The following LRP1B variants were observed in gnomAD, a reference collection of about 807,000 sequenced individuals.
LRP1B encodes the protein LDL receptor related protein 1B.
Under a neutral mutation model 556.6 loss-of-function variants are expected in LRP1B, and 217 were observed. The ratio of observed to expected loss-of-function variants is 0.39; its 90% CI spans 0.35 to 0.44. The LOEUF is 0.44. LRP1B is among the 20% of genes least tolerant of loss of function. The pLI is 1.00. For synonymous variants in LRP1B, 2,047 were observed against 1,865.8 expected, an observed-to-expected ratio of 1.10 and a Z score of -2.50; for missense variants, 5,053 against 5,620.8, an observed-to-expected ratio of 0.90 and a Z score of 3.23.
intron 41 of LRP1B, among the ~76,000 whole-genome samples, chr2:140,686,218 T>C (rs992667685): frequency 8.5e-5 from 13 of 152,186 alleles, no homozygotes; most frequent in African/African-American, 3.1e-4. Flanking sequence ...ATTAACTAGT[T>C]GGACATCACA....
chr2:141,923,446 A>ATGTG lies in LRP1B; in HGVS notation c.83-113049_83-113046dup, dbSNP rs56356725. Among the ~76,000 whole-genome samples, 646 of 81,604 alleles carry ATGTG rather than the reference A, an allele frequency of 7.9e-3. 5 individuals carry two copies. Among genetic ancestry groups the ATGTG allele is most frequent in the African/African-American group, 0.022 (459 of 21,048 alleles). 53.5% of individuals were successfully genotyped at this position (81,604 alleles called of 152,430 possible). A position where few individuals can be genotyped will look rare whatever the true frequency, so the allele number is the denominator to read the frequency against. ...ATAGTGACAAAGAGATTATATATAT[A>ATGTG]TGTGTGTGTGTGTGTGTGTGTGTGT... On this transcript the variant is annotated intron_variant, in intron 1 of 90. Coordinates refer to ENST00000389484, the MANE Select transcript of LRP1B (RefSeq NM_018557.3).
chr2:141,052,535 C>T (rs1000154628), intron 10 of LRP1B, among the ~76,000 whole-genome samples: 4 of 151,986 alleles, frequency 2.6e-5, no homozygotes, highest in South Asian at 2.1e-4. Flanking sequence ...ATTACAAATA[C>T]ATTTAATTTC....
At chr2:141,924,386 A>T (rs867789215) in intron 1 of LRP1B, among the ~76,000 whole-genome samples, 9 of 152,148 alleles carry the variant, frequency 5.9e-5, no homozygotes, top group Middle Eastern at 3.4e-3. Context: ...CACCTCCACC[A>T]TTCCATAAAA....
chr2:140,982,459 G>GT (rs966891891), intron 17 of LRP1B, among the ~76,000 whole-genome samples, 183 bp from the exon 18 acceptor site: 2 of 152,072 alleles, frequency 1.3e-5, no homozygotes, highest in Non-Finnish European at 2.9e-5. Context: ...CTTCTCTAAA[G>GT]TTCACATGCT....
At chr2:141,854,850 T>C (rs933646249) in intron 1 of LRP1B, among the ~76,000 whole-genome samples, 1 of 152,102 alleles carries the variant, frequency 6.6e-6, no homozygotes, top group Non-Finnish European at 1.5e-5. Context: ...TTTTCTTTAT[T>C]CTGATATGTA....
intron 7 of LRP1B, among the ~76,000 whole-genome samples, chr2:141,158,167 T>C (rs78948111): frequency 0.029 from 4,387 of 152,214 alleles, 87 homozygotes; most frequent in East Asian, 0.063. Context: ...ATATATTTTT[T>C]TCTCTTTTTA....
At chr2:141,854,456 A>G (rs1486639902) in intron 1 of LRP1B, among the ~76,000 whole-genome samples, 1 of 152,104 alleles carries the variant, frequency 6.6e-6, no homozygotes, top group Non-Finnish European at 1.5e-5. Context: ...TTTTTCTAAC[A>G]CCATACATGA....
chr2:140,873,938 G>GT (rs148679529), intron 25 of LRP1B, among the ~76,000 whole-genome samples: 4,883 of 150,354 alleles, frequency 0.032, 429 homozygotes, highest in East Asian at 0.31. Flanking sequence ...AAATAAAGAG[G>GT]TTTTTTTTTG....
intron 1 of LRP1B, among the ~76,000 whole-genome samples, chr2:142,063,992 G>A (rs974588191): frequency 6.6e-6 from 1 of 151,454 alleles, no homozygotes; most frequent in Non-Finnish European, 1.5e-5. Context: ...GGCACTCAAG[G>A]CTTTTCCATT....
At chr2:140,734,206 T>C (rs1687872047) in intron 35 of LRP1B, among the ~76,000 whole-genome samples, 1 of 152,056 alleles carries the variant, frequency 6.6e-6, no homozygotes, top group African/African-American at 2.4e-5. Flanking sequence ...GAAAACGAAA[T>C]TCAGAAAAGT....
Position 141,940,221 on chromosome 2 carries a change from T to G in LRP1B, c.83-129820A>C, listed in dbSNP as rs1294821858. ...GAGGAAGGATCACAAAGAAGACATATTTTTAAAATATCTTGAATATTTAGA... is the reference window on the plus strand; with the variant it reads ...GAGGAAGGATCACAAAGAAGACATAGTTTTAAAATATCTTGAATATTTAGA... On this transcript the variant is annotated intron_variant, in intron 1 of 90. Transcript: ENST00000389484. Among the ~76,000 whole-genome samples, 3 of 152,268 alleles carry G rather than the reference T, an allele frequency of 2.0e-5. No homozygotes were observed. The East Asian group carries it at 5.8e-4, about 29-fold the overall frequency.
At chr2:140,462,926 C>T (rs576222757) in intron 60 of LRP1B, among the ~76,000 whole-genome samples, 4 of 152,140 alleles carry the variant, frequency 2.6e-5, no homozygotes, top group Admixed American at 2.0e-4. Context: ...CTAATAATTT[C>T]CCCTGATATT....
At chr2:142,123,017 A>G (rs751458471) in intron 1 of LRP1B, among the ~76,000 whole-genome samples, 8 of 152,038 alleles carry the variant, frequency 5.3e-5, no homozygotes, top group Non-Finnish European at 1.2e-4. Context: ...AGAAGCTTCA[A>G]TAAATTCTGA....
At chr2:140,659,279 GAGT>G (rs1685007981) in intron 41 of LRP1B, among the ~76,000 whole-genome samples, 1 of 151,772 alleles carries the variant, frequency 6.6e-6, no homozygotes, top group Non-Finnish European at 1.5e-5. Context: ...GATACTTTAT[GAGT>G]AGTAGATCTA....
intron 1 of LRP1B, among the ~76,000 whole-genome samples, chr2:141,892,628 A>G (rs1192055511): frequency 2.0e-5 from 3 of 152,122 alleles, no homozygotes; most frequent in African/African-American, 7.2e-5. Flanking sequence ...ATACTCATTA[A>G]TTAATTTAAC....
At chr2:140,942,712 A>AT (rs34633985) in intron 20 of LRP1B, among the ~76,000 whole-genome samples, 1 of 151,764 alleles carries the variant, frequency 6.6e-6, no homozygotes, top group African/African-American at 2.4e-5. Flanking sequence ...GGAGAAATAA[A>AT]TTTTTTTTCC....
intron 66 of LRP1B, among the ~76,000 whole-genome samples, chr2:140,428,317 C>A (rs1268287003): frequency 6.6e-6 from 1 of 152,196 alleles, no homozygotes; most frequent in Non-Finnish European, 1.5e-5. Flanking sequence ...CACTGCGAGA[C>A]AAACCCCAGC....
At chr2:140,356,175 A>G (rs1682204474) in intron 75 of LRP1B, among the ~76,000 whole-genome samples, 167 bp downstream of exon 75, 1 of 151,598 alleles carries the variant, frequency 6.6e-6, no homozygotes, top group Non-Finnish European at 1.5e-5. Flanking sequence ...AGCTCCACAA[A>G]CAAGCTCTTG....
chr2:140,554,688 A>AGTAATTGTATCTTTTTATTTTTGTAACCC (rs1680663485), intron 43 of LRP1B, among the ~76,000 whole-genome samples: 2 of 152,106 alleles, frequency 1.3e-5, no homozygotes, highest in African/African-American at 4.8e-5. Context: ...ATTTGAAACC[A>AGTAATTGTATCTTTTTATTTTTGTAACCC]GTAATTGTAT....
Sources: gnomAD v4.1 joint callset for allele counts (sites outside exome capture counted in the v4.1 genomes callset) on GRCh38, gnomAD v4.1.1 for gene constraint, MANE v1.5 for transcripts, NCBI Gene and HGNC (gene_info 2026-07-23, HGNC 2026-07-21) for gene names.